The following PPARG variants were observed in gnomAD, a reference collection of about 807,000 sequenced individuals.
PPARG encodes the protein peroxisome proliferator-activated receptor gamma.
A neutral mutation model predicts 39.2 loss-of-function variants in PPARG; 17 were observed. The ratio of observed to expected loss-of-function variants is 0.43; its 90% CI spans 0.30 to 0.65. PPARG has a LOEUF of 0.65. Among genes scored for constraint, PPARG ranks in the 30% least tolerant of loss-of-function variants. PPARG has a pLI of 0.13. For synonymous variants in PPARG, 223 were observed against 215.7 expected (o/e 1.03, Z -0.30); for missense variants, 406 against 585.9 (o/e 0.69, Z 3.17).
chr3:12,395,396 G>T (rs1031900880), intron 5 of PPARG, among the ~76,000 whole-genome samples: 1 of 152,110 alleles, frequency 6.6e-6, no homozygotes, highest in Non-Finnish European at 1.5e-5. Flanking sequence ...CAGCAATTTC[G>T]GGCAGTTGGT....
At chr3:12,287,434 C>G (rs2124906625), upstream of PPARG, 1 of 152,310 alleles carries the variant, frequency 6.6e-6, no homozygotes, top group East Asian at 1.9e-4. Context: ...ACCAAGGGAC[C>G]CGAAATATGC....
chr3:12,312,909 G>T (rs2047288225), intron 2 of PPARG, among the ~76,000 whole-genome samples: 1 of 152,180 alleles, frequency 6.6e-6, no homozygotes, highest in Non-Finnish European at 1.5e-5. Flanking sequence ...CTAGGAGGAA[G>T]AATTGCTAAG....
chr3:12,288,552 G>A (rs1433939226), upstream of PPARG, among the ~76,000 whole-genome samples: 1 of 152,030 alleles, frequency 6.6e-6, no homozygotes, highest in African/African-American at 2.4e-5. Flanking sequence ...CCGGGGAAGC[G>A]AAGATCCGCG....
Position 12,416,818 on chromosome 3 carries a change from G to A in PPARG, c.844G>A (p.Gly282Ser), listed in dbSNP as rs767437202. 8.1e-6 allele frequency: 13 copies of A among 1,614,128 alleles called. No homozygotes were observed. Among genetic ancestry groups the A allele is most frequent in the Non-Finnish European group, 1.1e-5 (13 of 1,179,996 alleles). ...AGAGGTGGCCATCCGCATCTTTCAGGGCTGCCAGTTTCGCTCCGTGGAGGC... is the reference window on the plus strand; with the variant it reads ...AGAGGTGGCCATCCGCATCTTTCAGAGCTGCCAGTTTCGCTCCGTGGAGGC... ...SKEVAIRIFQ[G>S]CQFRSVEAVQ... The change falls in exon 7 of 8, where the codon GGC becomes AGC. Residue 282 changes from glycine to serine, a missense_variant. Physicochemically the swap from Gly to Ser is moderately conservative, Grantham distance 56. Transcript: ENST00000651735.
In PPARG at chr3:12,392,597, T is replaced by C. The variant is rs1204116375; in HGVS notation, c.391-17T>C. ...TCATAAAGACTTAAAATTTGCTTCT[T>C]TTTTATCCCTTTGCAGGGTTTCTTC... is the stretch of plus-strand genomic sequence containing the variant. On this transcript the variant is annotated splice_polypyrimidine_tract_variant and intron_variant, in intron 4 of 7. Coordinates refer to ENST00000651735, the MANE Select transcript of PPARG (RefSeq NM_138711.6). 6.2e-7 allele frequency: 1 copy of C among 1,613,528 alleles called. No individual in the cohort carries two copies. The highest frequency in any genetic ancestry group is 1.1e-5 in the South Asian group (1 of 91,078).
chr3:12,370,969 T>C (rs2049191253), intron 2 of PPARG, among the ~76,000 whole-genome samples: 1 of 152,196 alleles, frequency 6.6e-6, no homozygotes, highest in East Asian at 1.9e-4. Context: ...GTTTAAACAA[T>C]AGGGCTTTGC....
At chr3:12,340,978 T>A (rs1276003220) in intron 2 of PPARG, among the ~76,000 whole-genome samples, 1 of 150,974 alleles carries the variant, frequency 6.6e-6, no homozygotes, top group African/African-American at 2.4e-5. Context: ...AGGTCAGGAG[T>A]TCAAGACCAG....
At chr3:12,354,741 G>C (rs527964361) in intron 2 of PPARG, among the ~76,000 whole-genome samples, 11 of 128,310 alleles carry the variant, frequency 8.6e-5, no homozygotes, top group African/African-American at 2.8e-4. Context: ...GCGACAGAGC[G>C]AGACTCCATC....
At chr3:12,398,164 C>CAAA (rs543541979) in intron 5 of PPARG, among the ~76,000 whole-genome samples, 11 of 137,734 alleles carry the variant, frequency 8.0e-5, no homozygotes, top group African/African-American at 2.1e-4. Context: ...TACATATTAC[C>CAAA]AAAAAAAAAA....
intron 2 of PPARG, among the ~76,000 whole-genome samples, chr3:12,375,909 C>T (rs1216087721): frequency 2.0e-5 from 3 of 151,778 alleles, no homozygotes; most frequent in South Asian, 2.1e-4. Context: ...AAACCACAAA[C>T]GCGCATTCAC....
intron 4 of PPARG, among the ~76,000 whole-genome samples, chr3:12,384,026 T>C (rs1040403891): frequency 6.6e-6 from 1 of 152,030 alleles, no homozygotes; most frequent in Non-Finnish European, 1.5e-5. Context: ...TAACCTGCAG[T>C]AATTTGCAAA....
At chr3:12,311,101 T>TTATTAA (rs2047229608) in intron 1 of PPARG, among the ~76,000 whole-genome samples, 1 of 152,180 alleles carries the variant, frequency 6.6e-6, no homozygotes, top group African/African-American at 2.4e-5. Flanking sequence ...GAGTCTGTAT[T>TTATTAA]AAAATTTTTT....
At chr3:12,416,429 A>T (rs2051058529) in intron 6 of PPARG, among the ~76,000 whole-genome samples, 1 of 152,198 alleles carries the variant, frequency 6.6e-6, no homozygotes. Context: ...CTCCCCAAAC[A>T]AAAGAAATCA....
chr3:12,295,515 T>A (rs1262796376), intron 1 of PPARG, among the ~76,000 whole-genome samples: 23 of 19,854 alleles, frequency 1.2e-3, no homozygotes, highest in Non-Finnish European at 1.7e-3. Context: ...CAAAAAAAAA[T>A]TTTTTTTTTT....
rs1040646180 is a variant in PPARG at position 12,390,636 on chromosome 3, C to T, written c.391-1978C>T. 3.8e-3 allele frequency among the ~76,000 whole-genome samples: 263 copies of T among 69,030 alleles called. 2 individuals carry two copies. The highest frequency in any genetic ancestry group is 0.022 in the East Asian group (62 of 2,756). The allele number at this position is 69,030 out of a possible 152,430, so 45.3% of individuals were successfully genotyped here. A position where few individuals can be genotyped will look rare whatever the true frequency, so the allele number is the denominator to read the frequency against. On this transcript the variant is annotated intron_variant, in intron 4 of 7. Transcript: ENST00000651735. ...GTATGTGATAAAGCTGTATTTTCTT[C>T]CTTTTTTTTTTTTTTTTTTTTTGAG...
chr3:12,358,898 G>A (rs972632916), intron 2 of PPARG, among the ~76,000 whole-genome samples: 3 of 152,156 alleles, frequency 2.0e-5, no homozygotes, highest in African/African-American at 7.2e-5. Context: ...GCAATATCAT[G>A]TAATATAAGG....
chr3:12,326,448 A>G (rs1419314005), intron 2 of PPARG, among the ~76,000 whole-genome samples: 1 of 152,236 alleles, frequency 6.6e-6, no homozygotes, highest in African/African-American at 2.4e-5. Context: ...AATGTTCTCA[A>G]ATGAGAAAAT....
rs1332035466 is a variant in PPARG at position 12,323,018 on chromosome 3, C to T, written c.-9+10565C>T. On this transcript the variant is annotated intron_variant, in intron 2 of 7. Transcript: ENST00000651735. ...GTGGAATCTCGCTATGTTGGCCAGC[C>T]TGGTCTTGAACTCCTGAGCTCAAGC... 2.0e-5 allele frequency among the ~76,000 whole-genome samples: 3 copies of T among 151,854 alleles called. No homozygotes were observed. The East Asian group carries it at 5.8e-4, about 29-fold the overall frequency.
At chr3:12,431,653 C>G (rs1235893968) in intron 7 of PPARG, among the ~76,000 whole-genome samples, 2 of 151,908 alleles carry the variant, frequency 1.3e-5, no homozygotes, top group African/African-American at 2.4e-5. Context: ...ATAAAGAGCT[C>G]TAAGAGCTGG....
Sources: gnomAD v4.1 joint callset for allele counts (sites outside exome capture counted in the v4.1 genomes callset) on GRCh38, gnomAD v4.1.1 for gene constraint, MANE v1.5 for transcripts, NCBI Gene and HGNC (gene_info 2026-07-23, HGNC 2026-07-21) for gene names.